GRID2: variants seen among roughly 807,000 people sequenced by gnomAD.
The protein encoded by GRID2 is glutamate receptor ionotropic, delta-2.
A neutral mutation model predicts 114.8 loss-of-function variants in GRID2; 33 were observed. The ratio of observed to expected loss-of-function variants is 0.29; its 90% confidence interval spans 0.22 to 0.38. The LOEUF (loss-of-function observed/expected upper bound fraction) is 0.38. GRID2 is among the 10% of genes least tolerant of loss of function. The probability of loss-of-function intolerance (pLI) is 1.00; values close to 1 mark genes in which losing one functional copy is unlikely to be tolerated. For synonymous variants in GRID2, 505 were observed against 449.9 expected, an observed-to-expected ratio of 1.12 and a Z score of -1.55; for missense variants, 1,184 against 1,257.7, an observed-to-expected ratio of 0.94 and a Z score of 0.89.
intron 10 of GRID2, among the ~76,000 whole-genome samples, chr4:93,434,124 A>C (rs1046198910): frequency 6.6e-6 from 1 of 152,222 alleles, no homozygotes; most frequent in African/African-American, 2.4e-5. Context: ...AAGAAAATGA[A>C]TTCAAGAATG....
intron 13 of GRID2, among the ~76,000 whole-genome samples, chr4:93,592,993 G>A (rs1465496335): frequency 1.2e-4 from 18 of 151,142 alleles, no homozygotes; most frequent in Non-Finnish European, 1.3e-4. Flanking sequence ...CACACTGATG[G>A]GTCTTGACTC....
At chr4:92,472,002 C>T (rs1303869173) in intron 1 of GRID2, among the ~76,000 whole-genome samples, 2 of 104,596 alleles carry the variant, frequency 1.9e-5, no homozygotes, top group African/African-American at 4.2e-5. Context: ...GGCGGGATCT[C>T]GGCTCACTGC....
rs962437824 is a variant in GRID2 at position 93,605,668 on chromosome 4, A to G, written c.2194-20601A>G. 1.2e-4 allele frequency among the ~76,000 whole-genome samples: 18 copies of G among 152,310 alleles called. No homozygotes were observed. The East Asian group carries it at 3.3e-3, about 28-fold the overall frequency. ...AATTCTTCAACAAAAAGTATTTATC[A>G]CTTGCCTACTCCTGATAATATTGGG... On this transcript the variant is annotated intron_variant, in intron 13 of 15. Transcript: ENST00000282020.
chr4:93,322,125 C>T (rs1410825836), intron 8 of GRID2, among the ~76,000 whole-genome samples: 2 of 151,048 alleles, frequency 1.3e-5, no homozygotes, highest in African/African-American at 4.9e-5. Flanking sequence ...TACACATGTG[C>T]CATGTTGGTG....
intron 2 of GRID2, among the ~76,000 whole-genome samples, chr4:92,994,257 GTTTGTTT>G (rs1352097520): frequency 1.3e-5 from 2 of 152,278 alleles, no homozygotes; most frequent in Middle Eastern, 3.4e-3. Context: ...ATTCCAATTT[GTTTGTTT>G]TATAAACTCA....
At chr4:92,858,057 T>C (rs549828771) in intron 2 of GRID2, among the ~76,000 whole-genome samples, 9 of 152,286 alleles carry the variant, frequency 5.9e-5, no homozygotes, top group African/African-American at 2.2e-4. Context: ...TTTGGAGACA[T>C]AGTGTTCAGA....
At chr4:93,028,200 C>G (rs1724058578) in intron 2 of GRID2, among the ~76,000 whole-genome samples, 1 of 152,118 alleles carries the variant, frequency 6.6e-6, no homozygotes, top group Admixed American at 6.6e-5. Flanking sequence ...ATGAGGAAGA[C>G]AGGATACACC....
intron 4 of GRID2, among the ~76,000 whole-genome samples, chr4:93,146,188 C>G (rs1406589791): frequency 6.6e-6 from 1 of 152,056 alleles, no homozygotes; most frequent in African/African-American, 2.4e-5. Flanking sequence ...TAAAACCCAA[C>G]CGCATATTTA....
Position 92,565,759 on chromosome 4 carries a change from G to A in GRID2, c.89-24372G>A, listed in dbSNP as rs565058223. On this transcript the variant is annotated intron_variant, in intron 1 of 15. Coordinates refer to ENST00000282020, the MANE Select transcript of GRID2 (RefSeq NM_001510.4). Reference sequence around the variant, plus strand: ...TTTTCTCCCATGTTGTATAAGCCCAGTACTAGTTGCTCTCAGACACTAGTG... The same window carrying A: ...TTTTCTCCCATGTTGTATAAGCCCAATACTAGTTGCTCTCAGACACTAGTG... Among the ~76,000 whole-genome samples the A allele has an allele frequency of 2.6e-5, 4 of 152,104 alleles. No homozygotes were observed. In the South Asian group the frequency reaches 8.3e-4, roughly 31 times the overall value.
chr4:93,392,180 T>C (rs1579930657), intron 8 of GRID2, among the ~76,000 whole-genome samples: 2 of 152,248 alleles, frequency 1.3e-5, no homozygotes, highest in East Asian at 3.9e-4. Flanking sequence ...AGCACTCAGC[T>C]GAATAGACAG....
At chr4:93,219,598 A>G (rs2149486664) in intron 6 of GRID2, among the ~76,000 whole-genome samples, 1 of 152,328 alleles carries the variant, frequency 6.6e-6, no homozygotes, top group East Asian at 1.9e-4. Flanking sequence ...AAAATTTAGA[A>G]AAAACAGAAA....
At chr4:92,793,973 G>A (rs914405496) in intron 2 of GRID2, among the ~76,000 whole-genome samples, 22 of 151,842 alleles carry the variant, frequency 1.4e-4, no homozygotes, top group African/African-American at 5.3e-4. Flanking sequence ...ATTTTTAGAA[G>A]GTAGGGAATT....
chr4:92,454,339 G>A (rs778811463), intron 1 of GRID2, among the ~76,000 whole-genome samples: 2 of 152,014 alleles, frequency 1.3e-5, no homozygotes, highest in Non-Finnish European at 2.9e-5. Context: ...TTATGCATAA[G>A]GATAAATTTG....
chr4:93,295,937 A>T (rs2149158102), intron 8 of GRID2, among the ~76,000 whole-genome samples: 1 of 152,298 alleles, frequency 6.6e-6, no homozygotes, highest in Middle Eastern at 3.4e-3. Context: ...TTCATTTGTG[A>T]ATTTGACTAC....
At position 93,264,709 on chromosome 4, in the gene GRID2, G is replaced by GATATATATATATATATATAT. The variant is rs70942961; in HGVS notation, c.1245+26235_1245+26236insATATATATATATATATATAT. Among the ~76,000 whole-genome samples, 52 of 132,916 alleles carry GATATATATATATATATATAT rather than the reference G, an allele frequency of 3.9e-4. 1 individual carries two copies. Among genetic ancestry groups the GATATATATATATATATATAT allele is most frequent in the African/African-American group, 1.4e-3 (48 of 33,694 alleles). The allele number at this position is 132,916 out of a possible 152,430, so 87.2% of individuals were successfully genotyped here. ...AAGGAGTTATGTTTGAGTTTTGAAT[G>GATATATATATATATATATAT]ATATATATATATATATCATTTGAAT... is the stretch of plus-strand genomic sequence containing the variant. On this transcript the variant is annotated intron_variant, in intron 8 of 15. Coordinates refer to ENST00000282020, the MANE Select transcript of GRID2 (RefSeq NM_001510.4).
chr4:93,234,747 C>T (rs948641079), intron 7 of GRID2, among the ~76,000 whole-genome samples: 4 of 146,522 alleles, frequency 2.7e-5, no homozygotes, highest in Admixed American at 7.0e-5. Context: ...AGGGGTTTTT[C>T]TCTCTGAACC....
chr4:93,800,009 G>C (rs998750733), intron 1 of GRID2, among the ~76,000 whole-genome samples: 2 of 152,082 alleles, frequency 1.3e-5, no homozygotes, highest in South Asian at 2.1e-4. Context: ...CTTAAATGTT[G>C]CATATTTTTA....
intron 14 of GRID2, among the ~76,000 whole-genome samples, chr4:93,688,826 G>C (rs1037242028): frequency 6.6e-6 from 1 of 151,996 alleles, no homozygotes; most frequent in Non-Finnish European, 1.5e-5. Flanking sequence ...TGATCTTATA[G>C]CAAGTTAGAA....
intron 2 of GRID2, among the ~76,000 whole-genome samples, chr4:93,049,837 C>G (rs1726525558): frequency 6.6e-6 from 1 of 151,922 alleles, no homozygotes; most frequent in South Asian, 2.1e-4. Context: ...CAGTCTTACT[C>G]AATAGAGTTC....
Sources: gnomAD v4.1 joint callset for allele counts (sites outside exome capture counted in the v4.1 genomes callset) on GRCh38, gnomAD v4.1.1 for gene constraint, MANE v1.5 for transcripts, NCBI Gene and HGNC (gene_info 2026-07-23, HGNC 2026-07-21) for gene names.